ZNF81: variants seen among roughly 807,000 people sequenced by gnomAD.
ZNF81 encodes zinc finger protein 81, also known as zinc finger protein 81 (HFZ20).
ZNF81 carries 5 observed loss-of-function variants against 32.3 expected under a neutral mutation model. The ratio of observed to expected loss-of-function variants is 0.15; its 90% CI spans 0.08 to 0.33. ZNF81 has a LOEUF of 0.33. Ranked by LOEUF, ZNF81 falls within the 10% of genes least tolerant of loss-of-function variation. ZNF81 has a pLI of 1.00. For synonymous variants in ZNF81, 163 were observed against 166.8 expected, an observed-to-expected ratio of 0.98 and a Z score of 0.17; for missense variants, 379 against 479.8, an observed-to-expected ratio of 0.79 and a Z score of 1.96.
chrX:47,914,997 T>C lies in ZNF81; in HGVS notation c.351T>C (p.Gly117=). ...CTACATTTCATAGTGAAATGGAGGG[T>C]GAAGACACAAGAGATGATTCATTAT... The part of the protein sequence containing the change: ...GKSTFHSEME[G]EDTRDDSLYS... Residue 117 remains glycine, a synonymous_variant, in exon 5 of 5, where the codon GGT becomes GGC. Coordinates refer to ENST00000338637, the MANE Select transcript of ZNF81 (RefSeq NM_007137.5). The C allele has an allele frequency of 8.3e-7, 1 of 1,206,751 alleles. No homozygotes were observed. The highest frequency in any genetic ancestry group is 1.1e-6 in the Non-Finnish European group (1 of 892,882).
intron 2 of ZNF81, among the ~76,000 whole-genome samples, chrX:47,869,342 C>T (rs1179256045): frequency 1.8e-5 from 2 of 111,673 alleles, no homozygotes; most frequent in African/African-American, 6.5e-5. Context: ...GGATATAATA[C>T]GGAGTTCATC....
rs1556890760 is a variant in ZNF81, at chrX:47,916,034, T to C, written c.1388T>C (p.Ile463Thr). The change falls in exon 5 of 5, where the codon ATT becomes ACT. Residue 463 changes from isoleucine (I) to threonine (T), a missense_variant. Ile to Thr is a moderately conservative substitution (Grantham distance 89, BLOSUM62 -1). Coordinates refer to ENST00000338637, the MANE Select transcript of ZNF81 (RefSeq NM_007137.5). ...QKAHLIAHQR[I>T]HTGEKPYECS... ...GCACACTTGATTGCACATCAAAGAA[T>C]TCATACTGGAGAGAAGCCTTATGAA... is the stretch of plus-strand genomic sequence containing the variant. 2.5e-6 allele frequency: 3 copies of C among 1,211,478 alleles called. No homozygotes were observed. The highest frequency in any genetic ancestry group is 2.2e-5 in the Admixed American group (1 of 45,919).
chrX:47,852,516 C>T (rs2058499602), intron 2 of ZNF81, among the ~76,000 whole-genome samples: 1 of 112,405 alleles, frequency 8.9e-6, no homozygotes, highest in African/African-American at 3.2e-5. Flanking sequence ...CATTTCCACA[C>T]TGTCCACAGC....
chrX:47,848,906 G>T (rs2058482300), intron 2 of ZNF81, among the ~76,000 whole-genome samples: 1 of 111,891 alleles, frequency 8.9e-6, no homozygotes, highest in Non-Finnish European at 1.9e-5. Context: ...TGTCTGCTCA[G>T]CTCTCTCTAA....
In ZNF81 at chrX:47,922,011, G is replaced by A. The variant is rs2058778593; in HGVS notation, c.*5379G>A. The A allele has an allele frequency of 8.9e-6, 1 of 111,998 alleles. No homozygotes were observed. Among genetic ancestry groups the A allele is most frequent in the South Asian group, 3.7e-4 (1 of 2,671 alleles). 9.2% of individuals were successfully genotyped at this position (111,998 alleles called of 1,213,427 possible). A position where few individuals can be genotyped will look rare whatever the true frequency, so the allele number is the denominator to read the frequency against. ...TAATACACTGGCCCAGATTAGGAAG[G>A]TTCTGCCATCCATCCCAGCCATCCC... On this transcript the variant is annotated 3_prime_UTR_variant, in exon 5 of 5. Transcript: ENST00000338637.
chrX:47,846,657 A>G (rs2058472099), intron 2 of ZNF81, among the ~76,000 whole-genome samples: 1 of 111,737 alleles, frequency 8.9e-6, no homozygotes, highest in Non-Finnish European at 1.9e-5. Flanking sequence ...AAAGGTATCA[A>G]ATAGTTCTCT....
chrX:47,875,305 G>C (rs901420229), intron 2 of ZNF81, among the ~76,000 whole-genome samples: 3 of 112,334 alleles, frequency 2.7e-5, no homozygotes, highest in Non-Finnish European at 5.6e-5. Context: ...CTTGCAATGA[G>C]GTCCTTCTAA....
intron 2 of ZNF81, among the ~76,000 whole-genome samples, chrX:47,851,634 C>T (rs1249711332): frequency 9.0e-6 from 1 of 111,495 alleles, no homozygotes; most frequent in Non-Finnish European, 1.9e-5. Context: ...CAGTTATTTT[C>T]CCCAACTTCC....
rs782526792 is a variant in ZNF81 at position 47,923,057 on chromosome X, CTG to C, written c.*6427_*6428del. ...TGGCCCCATTTTAACTTAATTACCT[CTG>C]TACTCTATTTCCAAATAAAATTGTA... is the stretch of plus-strand genomic sequence containing the variant. On this transcript the variant is annotated 3_prime_UTR_variant, in exon 5 of 5. Coordinates refer to ENST00000338637, the MANE Select transcript of ZNF81 (RefSeq NM_007137.5). 8.9e-6 allele frequency among the ~76,000 whole-genome samples: 1 copy of C among 111,887 alleles called. No homozygotes were observed. The highest frequency in any genetic ancestry group is 3.7e-4 in the South Asian group (1 of 2,696).
At chrX:47,895,484 G>C (rs2058676507) in intron 3 of ZNF81, among the ~76,000 whole-genome samples, 1 of 111,903 alleles carries the variant, frequency 8.9e-6, no homozygotes, top group Non-Finnish European at 1.9e-5. Flanking sequence ...GATGCTGAAA[G>C]GTTCTCTCCT....
intron 2 of ZNF81, among the ~76,000 whole-genome samples, chrX:47,885,675 A>G (rs1238973536): frequency 9.0e-6 from 1 of 111,516 alleles, no homozygotes; most frequent in African/African-American, 3.3e-5. Context: ...CGTGGTGGAA[A>G]GTGTGGAAGG....
chrX:47,855,173 AATT>A (rs2058511676), intron 2 of ZNF81, among the ~76,000 whole-genome samples: 1 of 109,765 alleles, frequency 9.1e-6, no homozygotes, highest in Non-Finnish European at 1.9e-5. Context: ...TAAATTAATT[AATT>A]AATTAAATAA....
At chrX:47,901,821 A>G (rs1365802796) in intron 4 of ZNF81, among the ~76,000 whole-genome samples, 1 of 111,020 alleles carries the variant, frequency 9.0e-6, no homozygotes, top group Non-Finnish European at 1.9e-5. Flanking sequence ...TTCTAGCTTC[A>G]TAAAATTAGT....
chrX:47,902,517 A>T (rs2058702207), intron 4 of ZNF81, among the ~76,000 whole-genome samples: 1 of 112,026 alleles, frequency 8.9e-6, no homozygotes, highest in Admixed American at 9.5e-5. Flanking sequence ...TTTCAAGTAT[A>T]CATGGCACAT....
chrX:47,913,550 T>C (rs782427450), intron 4 of ZNF81, among the ~76,000 whole-genome samples: 2 of 111,993 alleles, frequency 1.8e-5, no homozygotes, highest in South Asian at 7.5e-4. Context: ...GAGAATTTTG[T>C]CATCAAGGTG....
chrX:47,877,609 C>G (rs946609852), intron 2 of ZNF81, among the ~76,000 whole-genome samples: 39 of 111,809 alleles, frequency 3.5e-4, no homozygotes, highest in African/African-American at 1.2e-3. Context: ...TTGGGGATGC[C>G]TCAGTTCTAC....
intron 3 of ZNF81, 198 bp downstream of exon 3, chrX:47,888,323 A>T: frequency 1.9e-6 from 1 of 525,457 alleles, no homozygotes; most frequent in Non-Finnish European, 3.1e-6. Context: ...GTGTCCTTAT[A>T]AAAAGGAGAA....
At chrX:47,889,066 A>T (rs1011584481) in intron 3 of ZNF81, among the ~76,000 whole-genome samples, 2 of 111,780 alleles carry the variant, frequency 1.8e-5, no homozygotes, top group Non-Finnish European at 3.8e-5. Flanking sequence ...GAAAGAGATA[A>T]ATTGAAGAAA....
At chrX:47,896,822 G>T (rs1556887299) in intron 4 of ZNF81, among the ~76,000 whole-genome samples, 1 of 111,312 alleles carries the variant, frequency 9.0e-6, no homozygotes, top group African/African-American at 3.3e-5. Context: ...TATATAAATG[G>T]AATAATACCT....
Sources: gnomAD v4.1 joint callset for allele counts (sites outside exome capture counted in the v4.1 genomes callset) on GRCh38, gnomAD v4.1.1 for gene constraint, MANE v1.5 for transcripts, NCBI Gene and HGNC (gene_info 2026-07-23, HGNC 2026-07-21) for gene names.